PRDM16: variants seen among roughly 807,000 people sequenced by gnomAD.
PRDM16 encodes the protein histone-lysine N-methyltransferase PRDM16.
A neutral mutation model predicts 110.6 loss-of-function variants in PRDM16; 23 were observed. That is an observed-to-expected ratio of 0.21 (90% CI 0.15 to 0.29). PRDM16 has a LOEUF of 0.29. Ranked by LOEUF, PRDM16 falls within the 10% of genes least tolerant of loss-of-function variation. The pLI, the probability that PRDM16 is intolerant of heterozygous loss-of-function variation, is 1.00. For missense variants in PRDM16, 1,615 were observed against 1,794.3 expected (o/e 0.90, Z 1.81); for synonymous variants, 799 against 781.8 (o/e 1.02, Z -0.37).
intron 4 of PRDM16, among the ~76,000 whole-genome samples, chr1:3,386,113 C>G (rs11810256): frequency 0.028 from 4,194 of 152,206 alleles, 164 homozygotes; most frequent in African/African-American, 0.094. Context: ...GCGGCACTTT[C>G]CGCCTGCATC....
intron 2 of PRDM16, among the ~76,000 whole-genome samples, chr1:3,193,161 CA>C (rs1478638113): frequency 3.3e-5 from 5 of 152,186 alleles, no homozygotes; most frequent in Non-Finnish European, 5.9e-5. Flanking sequence ...AGCGGCTTAC[CA>C]GGGGGCAGCT....
At chr1:3,211,944 G>A (rs1448929192) in intron 2 of PRDM16, among the ~76,000 whole-genome samples, 2 of 152,242 alleles carry the variant, frequency 1.3e-5, no homozygotes, top group Non-Finnish European at 2.9e-5. Context: ...TGGGCAACAT[G>A]GAGGAGACAT....
chr1:3,399,415 C>A (rs536395592), intron 5 of PRDM16, among the ~76,000 whole-genome samples: 1 of 152,238 alleles, frequency 6.6e-6, no homozygotes, highest in African/African-American at 2.4e-5. Context: ...GTTTCTGGCC[C>A]CTCCATGAGC....
chr1:3,071,377 G>A (rs889023831), intron 1 of PRDM16, among the ~76,000 whole-genome samples: 3 of 152,256 alleles, frequency 2.0e-5, no homozygotes, highest in African/African-American at 7.2e-5. Flanking sequence ...CGGGAGCGCC[G>A]AGCGCTGGCT....
intron 10 of PRDM16, among the ~76,000 whole-genome samples, chr1:3,417,004 TC>T (rs1638282522): frequency 6.6e-6 from 1 of 152,144 alleles, no homozygotes. Context: ...AGCAGCTCCA[TC>T]AGCCCAGCCC....
chr1:3,377,121 T>G lies in PRDM16; in HGVS notation c.439-8031T>G, dbSNP rs377123390. ...ATGACAGCCCCATAGCCAGGGCTTC[T>G]TACTCTGAATCAGCTCATGGGTCCT... On this transcript the variant is annotated intron_variant, in intron 3 of 16. Coordinates refer to ENST00000270722, the MANE Select transcript of PRDM16 (RefSeq NM_022114.4). 2.1e-4 allele frequency among the ~76,000 whole-genome samples: 32 copies of G among 152,348 alleles called. 1 individual carries two copies. In the East Asian group the frequency reaches 5.6e-3, roughly 27 times the overall value.
rs1370082447 is a variant in PRDM16 at position 3,081,970 on chromosome 1, C to T, written c.37+12674C>T. 2.6e-5 allele frequency among the ~76,000 whole-genome samples: 4 copies of T among 152,212 alleles called. No homozygotes were observed. The highest frequency in any genetic ancestry group is 4.8e-5 in the African/African-American group (2 of 41,454). On this transcript the variant is annotated intron_variant, in intron 1 of 16. Transcript: ENST00000270722. This position sits in a 1 kb window ranked among gnomAD's most constrained non-coding sequence, Gnocchi z 4.6. The stretch of plus-strand genomic sequence containing the variant: ...TGTGCCAAGGCAGCGGCAAAGCCCC[C>T]GTGAGCACCAACCCAAGCCTTGCAC...
intron 14 of PRDM16, among the ~76,000 whole-genome samples, chr1:3,430,177 C>T (rs1330410468): frequency 6.6e-6 from 1 of 152,224 alleles, no homozygotes; most frequent in Non-Finnish European, 1.5e-5. Context: ...ACTCTAGTGG[C>T]TCTTCCTGAA....
chr1:3,162,505 C>A (rs1017223866), intron 1 of PRDM16, among the ~76,000 whole-genome samples: 1 of 152,246 alleles, frequency 6.6e-6, no homozygotes, highest in Non-Finnish European at 1.5e-5. Context: ...CCCTTCCCCC[C>A]GGCTGAGGTC....
At chr1:3,188,482 GGT>G (rs941610457) in intron 2 of PRDM16, among the ~76,000 whole-genome samples, 2 of 152,212 alleles carry the variant, frequency 1.3e-5, no homozygotes, top group African/African-American at 4.8e-5. Flanking sequence ...GTTTATCCCG[GGT>G]GTGTGTGTAC....
intron 3 of PRDM16, among the ~76,000 whole-genome samples, chr1:3,269,434 A>G (rs1275050098): frequency 6.7e-6 from 1 of 148,638 alleles, no homozygotes; most frequent in Non-Finnish European, 1.5e-5. Context: ...CCAGAGGAGC[A>G]CAGTCCCAGA....
chr1:3,231,880 TG>T (rs1385034680), intron 2 of PRDM16, among the ~76,000 whole-genome samples: 2 of 152,210 alleles, frequency 1.3e-5, no homozygotes, highest in East Asian at 1.9e-4. Context: ...AGCTGGACCC[TG>T]GGGGGTCCCG....
At chr1:3,115,422 A>G (rs2100651148) in intron 1 of PRDM16, among the ~76,000 whole-genome samples, 1 of 152,344 alleles carries the variant, frequency 6.6e-6, no homozygotes, top group Admixed American at 6.5e-5. Context: ...GAGATGACAA[A>G]TGATGGGATT....
At chr1:3,198,614 C>G (rs907355843) in intron 2 of PRDM16, among the ~76,000 whole-genome samples, 8 of 152,186 alleles carry the variant, frequency 5.3e-5, no homozygotes, top group Non-Finnish European at 8.8e-5. Flanking sequence ...CTCTCCCCTG[C>G]TGCATGAAGA....
At chr1:3,404,290 C>T (rs566913340) in intron 6 of PRDM16, among the ~76,000 whole-genome samples, 1 of 152,196 alleles carries the variant, frequency 6.6e-6, no homozygotes, top group Non-Finnish European at 1.5e-5. Context: ...GAGTGACTCC[C>T]GACCTGCGTC....
intron 1 of PRDM16, among the ~76,000 whole-genome samples, chr1:3,142,637 C>T (rs191130146): frequency 2.6e-5 from 4 of 152,262 alleles, no homozygotes; most frequent in South Asian, 2.1e-4. Context: ...TCCCAGTGTG[C>T]GGACCCCAGG....
chr1:3,173,260 C>T (rs1442155999), intron 1 of PRDM16, among the ~76,000 whole-genome samples: 2 of 152,204 alleles, frequency 1.3e-5, no homozygotes, highest in African/African-American at 2.4e-5. Context: ...AAGGCCAAAT[C>T]ACATCTCTCT....
intron 2 of PRDM16, among the ~76,000 whole-genome samples, chr1:3,233,735 G>A (rs541362992): frequency 6.6e-6 from 1 of 152,312 alleles, no homozygotes; most frequent in South Asian, 2.1e-4. Flanking sequence ...AGAGGGCAGG[G>A]CAAGCTTTTG....
chr1:3,277,523 G>A (rs796260957), intron 3 of PRDM16, among the ~76,000 whole-genome samples: 7 of 152,352 alleles, frequency 4.6e-5, no homozygotes, highest in African/African-American at 1.7e-4. Context: ...GCCCCAGGCT[G>A]GCCCCGACCC....
Sources: gnomAD v4.1 joint callset for allele counts (sites outside exome capture counted in the v4.1 genomes callset) on GRCh38, gnomAD v4.1.1 for gene constraint, Gnocchi (gnomAD v3.1) non-coding constraint, MANE v1.5 for transcripts, NCBI Gene and HGNC (gene_info 2026-07-23, HGNC 2026-07-21) for gene names.